Variants in CNTN1 observed in about 807,000 individuals in gnomAD.
CNTN1 encodes the protein contactin 1, also known as contactin-1.
In CNTN1, 38 loss-of-function variants were observed where a neutral mutation model predicts 126.4. That is an observed-to-expected ratio of 0.30 (90% CI 0.23 to 0.39). The LOEUF (loss-of-function observed/expected upper bound fraction) is 0.39, where lower values mean the gene tolerates loss of function less well. Ranked by LOEUF, CNTN1 falls within the 10% of genes least tolerant of loss-of-function variation. The pLI, the probability that CNTN1 is intolerant of heterozygous loss-of-function variation, is 1.00. For missense variants in CNTN1, 1,009 were observed against 1,248.4 expected, an observed-to-expected ratio of 0.81 and a Z score of 2.89; for synonymous variants, 413 against 422.6, an observed-to-expected ratio of 0.98 and a Z score of 0.28.
intron 1 of CNTN1, among the ~76,000 whole-genome samples, chr12:40,787,787 A>G (rs1940080592): frequency 6.6e-6 from 1 of 152,184 alleles, no homozygotes; most frequent in Admixed American, 6.6e-5. Flanking sequence ...ATTTTGCCAA[A>G]TTCTAGATGA....
intron 3 of CNTN1, among the ~76,000 whole-genome samples, chr12:40,917,849 G>A (rs1312033854): frequency 6.6e-6 from 1 of 152,126 alleles, no homozygotes; most frequent in Admixed American, 6.6e-5. Flanking sequence ...CAACACGGCT[G>A]TTTGTGATAA....
chr12:40,812,184 G>A (rs73116765), intron 1 of CNTN1, among the ~76,000 whole-genome samples: 3,465 of 151,838 alleles, frequency 0.023, 127 homozygotes, highest in African/African-American at 0.078. Context: ...ATTTCCACAT[G>A]TTTGTGAATT....
chr12:40,924,670 C>G lies in CNTN1; in HGVS notation c.496+18C>G. The G allele has an allele frequency of 7.5e-7, 1 of 1,337,962 alleles. No homozygotes were observed. The highest frequency in any genetic ancestry group is 1.4e-5 in the African/African-American group (1 of 69,650). 82.9% of individuals were successfully genotyped at this position (1,337,962 alleles called of 1,614,324 possible). On this transcript the variant is annotated intron_variant, in intron 6 of 23. Coordinates refer to ENST00000551295, the MANE Select transcript of CNTN1 (RefSeq NM_001843.4). ...TTTTCCAGGTAAACTTAATTCCTCT[C>G]TGACTATTAGCATCTATGAAACAAA...
At chr12:41,042,252 C>G (rs1341730405) in intron 23 of CNTN1, among the ~76,000 whole-genome samples, 18 of 151,956 alleles carry the variant, frequency 1.2e-4, no homozygotes, top group Admixed American at 1.2e-3. Context: ...ATCCTGAGTT[C>G]TAGTTTGATT....
chr12:40,955,037 C>A lies in CNTN1; in HGVS notation c.1684-4077C>A, dbSNP rs113164999. 2.8e-3 allele frequency among the ~76,000 whole-genome samples: 431 copies of A among 152,096 alleles called. 1 individual carries two copies. The highest frequency in any genetic ancestry group is 9.9e-3 in the African/African-American group (409 of 41,494). On this transcript the variant is annotated intron_variant, in intron 14 of 23. Transcript: ENST00000551295. ...AAGACCCTACTCTAAGTCAAAATGT[C>A]CTATTTGTGGCATGACCAGGCCCTT...
intron 12 of CNTN1, among the ~76,000 whole-genome samples, chr12:40,942,914 G>A (rs1277113525): frequency 6.6e-6 from 1 of 152,016 alleles, no homozygotes; most frequent in African/African-American, 2.4e-5. Flanking sequence ...ACGTTTGCAT[G>A]TTTTGTGCAA....
chr12:41,001,878 G>A (rs970963062), intron 17 of CNTN1, among the ~76,000 whole-genome samples: 38 of 152,080 alleles, frequency 2.5e-4, no homozygotes, highest in East Asian at 7.7e-4. Context: ...TATTGAATAC[G>A]GTGTCCTATC....
chr12:40,742,270 G>C (rs918304067), intron 1 of CNTN1: 1 of 152,122 alleles, frequency 6.6e-6, no homozygotes, highest in African/African-American at 2.4e-5. Context: ...CTGCCAAGTT[G>C]AGTTTACAAT....
chr12:40,940,984 C>T (rs1025046480), intron 12 of CNTN1, among the ~76,000 whole-genome samples: 2 of 152,108 alleles, frequency 1.3e-5, no homozygotes, highest in African/African-American at 2.4e-5. Flanking sequence ...AGTTCTCTTC[C>T]GTGATAATAA....
intron 1 of CNTN1, among the ~76,000 whole-genome samples, chr12:40,742,718 C>A (rs985790694): frequency 1.3e-5 from 2 of 151,892 alleles, no homozygotes; most frequent in Non-Finnish European, 2.9e-5. Flanking sequence ...TCAGCCTTTG[C>A]TATTAATTCT....
intron 23 of CNTN1, among the ~76,000 whole-genome samples, chr12:41,065,257 G>A (rs377459074): frequency 9.9e-4 from 151 of 152,168 alleles, no homozygotes; most frequent in African/African-American, 3.4e-3. Context: ...GGGTTTCACC[G>A]TGTTAGCCAG....
intron 23 of CNTN1, among the ~76,000 whole-genome samples, chr12:41,031,969 T>A (rs1359045886): frequency 6.6e-6 from 1 of 152,212 alleles, no homozygotes; most frequent in Admixed American, 6.5e-5. Flanking sequence ...TTTCATGCCC[T>A]AAATACGTAG....
At chr12:40,727,080 A>T (rs1942375498) in intron 1 of CNTN1, among the ~76,000 whole-genome samples, 1 of 149,328 alleles carries the variant, frequency 6.7e-6, no homozygotes, top group African/African-American at 2.4e-5. Context: ...AATAATTAAA[A>T]ATTTCTAATA....
chr12:40,876,232 A>G (rs1249202138), intron 1 of CNTN1, among the ~76,000 whole-genome samples: 1 of 152,030 alleles, frequency 6.6e-6, no homozygotes, highest in Non-Finnish European at 1.5e-5. Context: ...CCATCTCACT[A>G]GCTTTGTTTA....
intron 1 of CNTN1, among the ~76,000 whole-genome samples, chr12:40,719,658 G>A (rs1266824490): frequency 2.0e-5 from 3 of 152,256 alleles, no homozygotes; most frequent in African/African-American, 7.2e-5. Context: ...TATTTGCTTA[G>A]TATATTCTTG....
Position 41,070,083 on chromosome 12 carries a change from T to C in CNTN1, c.*48T>C. On this transcript the variant is annotated 3_prime_UTR_variant, in exon 24 of 24. Transcript: ENST00000551295. ...CCCATCCCAGCTCAGAAGACACCCT[T>C]CAACCCTGGGATGACCACAATTCCT... The C allele has an allele frequency of 6.5e-7, 1 of 1,538,044 alleles. No individual in the cohort carries two copies.
At chr12:40,909,338 T>C (rs545532181) in intron 2 of CNTN1, among the ~76,000 whole-genome samples, 64 of 152,076 alleles carry the variant, frequency 4.2e-4, no homozygotes, top group Middle Eastern at 3.4e-3. Flanking sequence ...CTAGTACTTA[T>C]TGAGCTAGGT....
At chr12:40,875,148 T>C (rs1943626484) in intron 1 of CNTN1, among the ~76,000 whole-genome samples, 1 of 152,136 alleles carries the variant, frequency 6.6e-6, no homozygotes, top group Non-Finnish European at 1.5e-5. Flanking sequence ...TGACTCAAAA[T>C]AGCTGGGGAT....
chr12:40,779,620 G>A (rs916677714), intron 1 of CNTN1, among the ~76,000 whole-genome samples: 1 of 151,836 alleles, frequency 6.6e-6, no homozygotes, highest in African/African-American at 2.4e-5. Flanking sequence ...TTTTAAATGT[G>A]TTTCTTTAGA....
Sources: allele counts gnomAD v4.1 joint callset (sites outside exome capture counted in the v4.1 genomes callset), GRCh38; gene constraint gnomAD v4.1.1; transcripts MANE v1.5; gene names NCBI Gene and HGNC (gene_info 2026-07-23, HGNC 2026-07-21).